The following SCAMP1 variants were observed in gnomAD, a reference collection of about 807,000 sequenced individuals.
The protein encoded by SCAMP1 is secretory carrier-associated membrane protein 1.
Under a neutral mutation model 41.8 loss-of-function variants are expected in SCAMP1, and 15 were observed. That is an observed-to-expected ratio of 0.36 (90% CI 0.24 to 0.55). The LOEUF (loss-of-function observed/expected upper bound fraction) is 0.55. Among genes scored for constraint, SCAMP1 ranks in the 20% least tolerant of loss-of-function variants. SCAMP1 has a pLI of 0.86. For missense variants in SCAMP1, 341 were observed against 412.6 expected (o/e 0.83, Z 1.50); for synonymous variants, 135 against 136.8 (o/e 0.99, Z 0.09).
intron 6 of SCAMP1, among the ~76,000 whole-genome samples, chr5:78,424,164 C>T (rs556365688): frequency 2.0e-5 from 3 of 152,144 alleles, no homozygotes; most frequent in Admixed American, 2.0e-4. Flanking sequence ...ACATGAGCCA[C>T]TGCGCCCAGC....
In SCAMP1 at chr5:78,469,911, AACAAAAAAAAAAAAAAAAAAACAAC is replaced by A. The variant is rs1753836996; in HGVS notation, c.853-5591_853-5567del. 4.4e-4 allele frequency among the ~76,000 whole-genome samples: 19 copies of A among 43,096 alleles called. 1 individual carries two copies. Among genetic ancestry groups the A allele is most frequent in the African/African-American group, 1.7e-3 (12 of 7,166 alleles). The allele number at this position is 43,096 out of a possible 152,430, so 28.3% of individuals were successfully genotyped here. A position where few individuals can be genotyped will look rare whatever the true frequency, so the allele number is the denominator to read the frequency against. On this transcript the variant is annotated intron_variant, in intron 8 of 8. Coordinates refer to ENST00000621999, the MANE Select transcript of SCAMP1 (RefSeq NM_004866.6). Reference sequence around the variant, plus strand: ...ACATTAAAAAAAAAAAAAAAAAAAAAACAAAAAAAAAAAAAAAAAAACAACAACACAGCCCAGGCATGGTGGTGTG... The same window carrying A: ...ACATTAAAAAAAAAAAAAAAAAAAAAAACACAGCCCAGGCATGGTGGTGTG...
intron 6 of SCAMP1, among the ~76,000 whole-genome samples, chr5:78,444,269 TA>T (rs1753001013): frequency 6.6e-6 from 1 of 152,210 alleles, no homozygotes; most frequent in African/African-American, 2.4e-5. Context: ...CAAGACTGGT[TA>T]ATTTATAAAG....
At chr5:78,453,445 C>A (rs1245377128) in intron 7 of SCAMP1, among the ~76,000 whole-genome samples, 1 of 152,054 alleles carries the variant, frequency 6.6e-6, no homozygotes, top group East Asian at 1.9e-4. Flanking sequence ...AACAGGGAAT[C>A]CTTTCCCCAT....
intron 2 of SCAMP1, among the ~76,000 whole-genome samples, chr5:78,398,994 C>G (rs776295005): frequency 1.2e-4 from 19 of 152,164 alleles, no homozygotes; most frequent in Non-Finnish European, 2.4e-4. Flanking sequence ...CTTCCCAGAC[C>G]TTGGCAACCA....
chr5:78,436,599 C>G (rs1488362043), intron 6 of SCAMP1, among the ~76,000 whole-genome samples: 2 of 152,206 alleles, frequency 1.3e-5, no homozygotes, highest in African/African-American at 4.8e-5. Context: ...CTTTTGGTAT[C>G]AGTACCATGC....
chr5:78,399,381 G>A (rs1481824084), intron 2 of SCAMP1, among the ~76,000 whole-genome samples: 1 of 152,162 alleles, frequency 6.6e-6, no homozygotes, highest in Non-Finnish European at 1.5e-5. Flanking sequence ...GTTTAGTTTT[G>A]TAAGAAACTG....
intron 2 of SCAMP1, among the ~76,000 whole-genome samples, chr5:78,396,510 C>G (rs1396626959): frequency 6.6e-6 from 1 of 152,190 alleles, no homozygotes; most frequent in Non-Finnish European, 1.5e-5. Context: ...TCCAAGACAT[C>G]CAGATAGACA....
intron 2 of SCAMP1, among the ~76,000 whole-genome samples, chr5:78,410,642 A>G (rs1310943489): frequency 6.6e-6 from 1 of 152,148 alleles, no homozygotes; most frequent in African/African-American, 2.4e-5. Context: ...AATGATTTAT[A>G]TTCCTTTGGG....
At chr5:78,413,863 GTTCT>G (rs1752142823) in intron 2 of SCAMP1, among the ~76,000 whole-genome samples, 1 of 152,094 alleles carries the variant, frequency 6.6e-6, no homozygotes, top group Admixed American at 6.5e-5. Flanking sequence ...GGTTTTAATA[GTTCT>G]TAAGATCCTT....
At chr5:78,454,489 T>G (rs1483077281) in intron 7 of SCAMP1, among the ~76,000 whole-genome samples, 4 of 151,568 alleles carry the variant, frequency 2.6e-5, no homozygotes, top group African/African-American at 9.7e-5. Context: ...TTACATTTAT[T>G]GATTTGCATA....
At chr5:78,404,453 GTTTTTT>G (rs3058233) in intron 2 of SCAMP1, among the ~76,000 whole-genome samples, 2 of 98,178 alleles carry the variant, frequency 2.0e-5, no homozygotes, top group African/African-American at 4.5e-5. Flanking sequence ...AGCCTTACAG[GTTTTTT>G]TTTTTTTTTT....
chr5:78,469,378 CAGAT>C (rs576827012), intron 8 of SCAMP1, among the ~76,000 whole-genome samples: 4 of 151,578 alleles, frequency 2.6e-5, no homozygotes, highest in Non-Finnish European at 5.9e-5. Flanking sequence ...CTAAGGGACA[CAGAT>C]AGAGTAATAC....
intron 1 of SCAMP1, among the ~76,000 whole-genome samples, chr5:78,378,591 A>G (rs74826365): frequency 0.032 from 4,899 of 152,322 alleles, 244 homozygotes; most frequent in African/African-American, 0.1. Context: ...TTGTTTTCAT[A>G]TCCATATTGA....
intron 1 of SCAMP1, among the ~76,000 whole-genome samples, chr5:78,362,035 A>C (rs1444763241): frequency 6.6e-6 from 1 of 152,030 alleles, no homozygotes; most frequent in Non-Finnish European, 1.5e-5. Context: ...GTCACTTAAA[A>C]TTCAGTACAA....
chr5:78,430,650 A>T (rs1752598040), intron 6 of SCAMP1, among the ~76,000 whole-genome samples: 1 of 151,978 alleles, frequency 6.6e-6, no homozygotes, highest in Non-Finnish European at 1.5e-5. Context: ...AATCATGTTC[A>T]GTACTTTGTA....
intron 6 of SCAMP1, among the ~76,000 whole-genome samples, chr5:78,447,995 CT>C (rs2112203170): frequency 2.9e-5 from 1 of 34,348 alleles, no homozygotes; most frequent in South Asian, 1.3e-3. Context: ...TCCTCTCCTC[CT>C]CCCTCCTCTC....
At chr5:78,434,342 C>G (rs1253922502) in intron 6 of SCAMP1, among the ~76,000 whole-genome samples, 1 of 152,140 alleles carries the variant, frequency 6.6e-6, no homozygotes, top group Admixed American at 6.5e-5. Context: ...GTTGTTTGCC[C>G]TTTGATGGGT....
intron 1 of SCAMP1, among the ~76,000 whole-genome samples, chr5:78,367,645 G>T (rs1344099222): frequency 6.6e-6 from 1 of 152,204 alleles, no homozygotes; most frequent in Non-Finnish European, 1.5e-5. Context: ...TTTAAAAGGA[G>T]TGGCAAGCAA....
At chr5:78,441,265 A>G (rs1269576108) in intron 6 of SCAMP1, among the ~76,000 whole-genome samples, 2 of 152,156 alleles carry the variant, frequency 1.3e-5, no homozygotes. Context: ...AAATGCAGAA[A>G]TCATCTGTCT....
Sources: gnomAD v4.1 joint callset for allele counts (sites outside exome capture counted in the v4.1 genomes callset) on GRCh38, gnomAD v4.1.1 for gene constraint, MANE v1.5 for transcripts, NCBI Gene and HGNC (gene_info 2026-07-23, HGNC 2026-07-21) for gene names.